Variants in DST observed in about 807,000 individuals in gnomAD.
The protein encoded by DST is bullous pemphigoid antigen.
In DST, 253 loss-of-function variants were observed where a neutral mutation model predicts 875.2. That is an observed-to-expected ratio of 0.29 (90% CI 0.26 to 0.32). The LOEUF (loss-of-function observed/expected upper bound fraction) is 0.32. Among genes scored for constraint, DST ranks in the 10% least tolerant of loss-of-function variants. The pLI, the probability that DST is intolerant of heterozygous loss-of-function variation, is 1.00. For synonymous variants in DST, 3,124 were observed against 3,197.1 expected (o/e 0.98, Z 0.77); for missense variants, 8,287 against 9,111.6 (o/e 0.91, Z 3.68).
chr6:56,818,808 C>CTAT (rs1233766961), intron 4 of DST, among the ~76,000 whole-genome samples: 1 of 152,120 alleles, frequency 6.6e-6, no homozygotes, highest in African/African-American at 2.4e-5. Context: ...CAGAGCAATA[C>CTAT]TATTACCTTT....
intron 4 of DST, among the ~76,000 whole-genome samples, chr6:56,752,981 G>A (rs999001457): frequency 1.3e-5 from 2 of 151,844 alleles, no homozygotes; most frequent in Admixed American, 1.3e-4. Context: ...AGTAGAGACG[G>A]GGTTTCTCCA....
intron 4 of DST, among the ~76,000 whole-genome samples, chr6:56,829,066 T>TA (rs1279275951): frequency 6.6e-6 from 1 of 152,164 alleles, no homozygotes; most frequent in African/African-American, 2.4e-5. Flanking sequence ...AAATAGCTTG[T>TA]TCAAGTTCAC....
chr6:56,482,170 T>C lies in DST; in HGVS notation c.21411A>G (p.Glu7137=). The change falls in exon 90 of 104, where the codon GAA becomes GAG. Residue 7137 remains glutamate (E), a synonymous_variant. Coordinates refer to ENST00000680361, the MANE Select transcript of DST (RefSeq NM_001374736.1). ...RLEAALRQAE[E]FHSVVHALLE... ...AGAGGGCATGTACCACCGAGTGGAATTCCTCTGCCTAAGAGTTCACACACA... is the reference window on the plus strand; with the variant it reads ...AGAGGGCATGTACCACCGAGTGGAACTCCTCTGCCTAAGAGTTCACACACA... The C allele has an allele frequency of 6.3e-7, 1 of 1,588,924 alleles. No individual in the cohort carries two copies. The highest frequency in any genetic ancestry group is 8.6e-7 in the Non-Finnish European group (1 of 1,158,700).
Position 56,608,795 on chromosome 6 carries a change from C to T in DST, c.5833G>A (p.Gly1945Arg), listed in dbSNP as rs1333938674. ...GGTCTCACAGGTAGAAGCCACATCC[C>T]TGTGTTTTCCTGTAAAGTACTTCTT... ...VQRSTLQENT[G>R]MWLLPVRPQE... The change falls in exon 40 of 104, where the codon GGG becomes AGG. Residue 1945 changes from glycine to arginine, a missense_variant. Transcript: ENST00000680361. The T allele has an allele frequency of 6.2e-7, 1 of 1,610,140 alleles. No individual in the cohort carries two copies. Among genetic ancestry groups the T allele is most frequent in the Non-Finnish European group, 8.5e-7 (1 of 1,177,864 alleles).
intron 4 of DST, among the ~76,000 whole-genome samples, chr6:56,790,999 C>G (rs2099721242): frequency 6.6e-6 from 1 of 152,166 alleles, no homozygotes; most frequent in Non-Finnish European, 1.5e-5. Flanking sequence ...AGGTGAGAGA[C>G]AAGATGCAGA....
chr6:56,647,981 C>T (rs553667612), intron 13 of DST, among the ~76,000 whole-genome samples: 12 of 152,230 alleles, frequency 7.9e-5, no homozygotes, highest in South Asian at 2.1e-4. Flanking sequence ...CCACCGCACC[C>T]GGCCTATAAT....
Position 56,561,340 on chromosome 6 carries a change from C to T in DST, c.14278G>A (p.Glu4760Lys), listed in dbSNP as rs2097533593. The T allele has an allele frequency of 6.2e-7, 1 of 1,613,612 alleles. No homozygotes were observed. Among genetic ancestry groups the T allele is most frequent in the Non-Finnish European group, 8.5e-7 (1 of 1,179,682 alleles). The change falls in exon 57 of 104, where the codon GAA becomes AAA. Residue 4760 changes from glutamate to lysine, a missense_variant. This residue lies in a region of DST where 1,513 missense variants were observed against 1,677.8 expected (regional missense o/e 0.90). Transcript: ENST00000680361. Reference protein sequence around the residue: ...WQQTPAPTDTEAVKTQVEQNK... With the variant: ...WQQTPAPTDTKAVKTQVEQNK... ...TGCTCAACTTGAGTCTTCACAGCTTCAGTATCTGTAGGTGCAGGTGTCTGC... is the reference window on the plus strand; with the variant it reads ...TGCTCAACTTGAGTCTTCACAGCTTTAGTATCTGTAGGTGCAGGTGTCTGC...
intron 5 of DST, among the ~76,000 whole-genome samples, chr6:56,731,091 T>C (rs1328348416): frequency 6.6e-6 from 1 of 152,190 alleles, no homozygotes; most frequent in Non-Finnish European, 1.5e-5. Context: ...GGCCCAGGGC[T>C]GGGGTGTGCA....
intron 63 of DST, among the ~76,000 whole-genome samples, chr6:56,533,088 C>T (rs535627429): frequency 6.6e-6 from 1 of 152,274 alleles, no homozygotes; most frequent in South Asian, 2.1e-4. Flanking sequence ...CAAACTAAAA[C>T]AGCTTTTACA....
rs551359831 is a variant in DST, at chr6:56,633,196, T to G, written c.3622-159A>C. ...CTTTTTCATTAACAATTTTAGGTGG[T>G]TTTTTTTTGTTTTTTGTTTTGAGAC... On this transcript the variant is annotated intron_variant, in intron 27 of 103. Transcript: ENST00000680361. Among the ~76,000 whole-genome samples, 51 of 149,500 alleles carry G rather than the reference T, an allele frequency of 3.4e-4. No homozygotes were observed. The South Asian group carries it at 4.6e-3, about 14-fold the overall frequency.
Position 56,560,316 on chromosome 6 carries a change from C to G in DST, c.14418G>C (p.Trp4806Cys), listed in dbSNP as rs2097517609. 27 of 1,610,846 alleles carry G rather than the reference C, an allele frequency of 1.7e-5. No individual in the cohort carries two copies. Among genetic ancestry groups the G allele is most frequent in the Non-Finnish European group, 2.3e-5 (27 of 1,178,370 alleles). ...ENPDTPEAPRWKQMLTEIDSK... is the reference protein window; with the variant it reads ...ENPDTPEAPRCKQMLTEIDSK... ...TACCTATTTCTGTCAACATCTGTTT[C>G]CATCTGGGGGCCTCAGGAGTATCTG... is the stretch of plus-strand genomic sequence containing the variant. Residue 4806 changes from tryptophan to cysteine, a missense_variant, in exon 58 of 104, where the codon TGG becomes TGC. Coordinates refer to ENST00000680361, the MANE Select transcript of DST (RefSeq NM_001374736.1).
Position 56,485,321 on chromosome 6 carries a change from A to G in DST, c.21198T>C (p.Asp7066=). 1.1e-5 allele frequency: 18 copies of G among 1,613,732 alleles called. No homozygotes were observed. The highest frequency in any genetic ancestry group is 1.5e-5 in the Non-Finnish European group (18 of 1,179,804). ...TCCCAGATAACAATACCTTGTGATT[A>G]TCGATCAGATTCATCACCAAATCAA... ...GDIDLVMNLI[D]NHKAFQKELG... The change falls in exon 88 of 104, where the codon GAT becomes GAC. Residue 7066 remains aspartate (D), a synonymous_variant. Transcript: ENST00000680361.
intron 4 of DST, among the ~76,000 whole-genome samples, chr6:56,752,278 G>A (rs1385823630): frequency 6.6e-6 from 1 of 151,826 alleles, no homozygotes; most frequent in Admixed American, 6.6e-5. Flanking sequence ...CATGGTAAGT[G>A]CTATGACAGA....
chr6:56,619,746 C>T, intron 36 of DST: 3 of 1,614,160 alleles, frequency 1.9e-6, no homozygotes, highest in South Asian at 2.2e-5. Flanking sequence ...CCTTTCTCCG[C>T]CTGATCCTTC....
intron 4 of DST, among the ~76,000 whole-genome samples, chr6:56,764,785 C>T (rs966857193): frequency 1.3e-5 from 2 of 152,094 alleles, no homozygotes; most frequent in East Asian, 1.9e-4. Context: ...TGGTGAAACA[C>T]CATCTCTACA....
At chr6:56,824,684 T>C (rs992419389) in intron 4 of DST, among the ~76,000 whole-genome samples, 2 of 151,008 alleles carry the variant, frequency 1.3e-5, no homozygotes, top group Non-Finnish European at 2.9e-5. Flanking sequence ...GAGGAGCGTC[T>C]GTGCCCAGCC....
chr6:56,499,482 T>C (rs981472387), intron 80 of DST, among the ~76,000 whole-genome samples: 3 of 152,124 alleles, frequency 2.0e-5, no homozygotes, highest in Non-Finnish European at 4.4e-5. Flanking sequence ...TCTATAAAAT[T>C]CATTCTTCTG....
At chr6:56,633,313 G>A (rs1004318514) in intron 27 of DST, among the ~76,000 whole-genome samples, 4 of 146,812 alleles carry the variant, frequency 2.7e-5, no homozygotes, top group Admixed American at 2.7e-4. Flanking sequence ...TGCAAGCTCC[G>A]CCTCCCGGGT....
At chr6:56,799,397 CAAGAA>C (rs1222776028) in intron 4 of DST, among the ~76,000 whole-genome samples, 1 of 150,722 alleles carries the variant, frequency 6.6e-6, no homozygotes, top group Non-Finnish European at 1.5e-5. Context: ...CTAAATCTTT[CAAGAA>C]AAGAAATGAA....
Sources: gnomAD v4.1 joint callset for allele counts (sites outside exome capture counted in the v4.1 genomes callset) on GRCh38, gnomAD v4.1.1 for gene constraint, gnomAD v4.1.1 regional missense constraint, MANE v1.5 for transcripts, NCBI Gene and HGNC (gene_info 2026-07-23, HGNC 2026-07-21) for gene names.